Variants in SESN2 observed in about 807,000 individuals in gnomAD.
SESN2 encodes sestrin-2.
SESN2 carries 42 observed loss-of-function variants against 56.0 expected under a neutral mutation model. The ratio of observed to expected loss-of-function variants is 0.75; its 90% CI spans 0.59 to 0.97. SESN2 has a LOEUF of 0.97. Ranked by LOEUF, SESN2 falls within the 50% of genes least tolerant of loss-of-function variation. The pLI is 0.00. For missense variants in SESN2, 507 were observed against 649.4 expected (o/e 0.78, Z 2.38); for synonymous variants, 264 against 267.1 (o/e 0.99, Z 0.11).
chr1:28,264,096 G>C (rs1266089325), intron 1 of SESN2, among the ~76,000 whole-genome samples: 1 of 150,936 alleles, frequency 6.6e-6, no homozygotes, highest in Non-Finnish European at 1.5e-5. Context: ...AGGCACGGTG[G>C]CTCAAACGCC....
chr1:28,262,288 T>C (rs1374594233), intron 1 of SESN2, among the ~76,000 whole-genome samples: 1 of 152,098 alleles, frequency 6.6e-6, no homozygotes, highest in African/African-American at 2.4e-5. Flanking sequence ...TGCCTTCAGA[T>C]GTGTGTATCT....
intron 8 of SESN2, among the ~76,000 whole-genome samples, chr1:28,276,814 G>T (rs1448289682): frequency 1.3e-5 from 2 of 150,188 alleles, no homozygotes; most frequent in African/African-American, 2.4e-5. Flanking sequence ...TCTCACCTCA[G>T]GTGATCTGCC....
Position 28,269,180 on chromosome 1 carries a change from C to T in SESN2, c.91-3C>T. On this transcript the variant is annotated splice_region_variant and splice_polypyrimidine_tract_variant and intron_variant, in intron 1 of 9. Coordinates refer to ENST00000253063, the MANE Select transcript of SESN2 (RefSeq NM_031459.5). Reference sequence around the variant, plus strand: ...CGGACTAACCTCATATGTTTCCTCCCAGGAGCAGAGGGAGAGCCGGGCTCG... The same window carrying T: ...CGGACTAACCTCATATGTTTCCTCCTAGGAGCAGAGGGAGAGCCGGGCTCG... 1 of 1,611,064 alleles carries T rather than the reference C, an allele frequency of 6.2e-7. No homozygotes were observed. Among genetic ancestry groups the T allele is most frequent in the Non-Finnish European group, 8.5e-7 (1 of 1,178,024 alleles).
At position 28,271,523 on chromosome 1, in the gene SESN2, T is replaced by C. The variant is rs544896035; in HGVS notation, c.157-151T>C. 4.8e-6 allele frequency: 3 copies of C among 622,352 alleles called. No homozygotes were observed. The Admixed American group carries it at 8.6e-5, about 18-fold the overall frequency. The allele number at this position is 622,352 out of a possible 1,614,324, so 38.6% of individuals were successfully genotyped here. A position where few individuals can be genotyped will look rare whatever the true frequency, so the allele number is the denominator to read the frequency against. ...TAATAAGTATTTATTGAATCACTTA[T>C]TAAAATATGTGATCCTCCCCATTCT... is the stretch of plus-strand genomic sequence containing the variant. On this transcript the variant is annotated intron_variant, in intron 2 of 9. Transcript: ENST00000253063.
At chr1:28,265,946 C>T (rs1238875469) in intron 1 of SESN2, among the ~76,000 whole-genome samples, 2 of 152,204 alleles carry the variant, frequency 1.3e-5, no homozygotes, top group Non-Finnish European at 2.9e-5. Context: ...CCCTCCCCAT[C>T]ATACAGTTAC....
At chr1:28,272,201 A>G in intron 3 of SESN2, 83 bp from the exon 4 acceptor site, 1 of 1,426,480 alleles carries the variant, frequency 7.0e-7, no homozygotes, top group Admixed American at 1.8e-5. Context: ...TGAGCCCTAC[A>G]ACCTCTCCCC....
intron 9 of SESN2, 24 bp downstream of exon 9, chr1:28,279,265 G>C: frequency 6.2e-7 from 1 of 1,613,292 alleles, no homozygotes; most frequent in Non-Finnish European, 8.5e-7. Flanking sequence ...AGGCAGGGCA[G>C]GATGGAAGTA....
At position 28,260,537 on chromosome 1, in the gene SESN2, C is replaced by G. The variant is rs1012081909; in HGVS notation, c.90+600C>G. 2.0e-4 allele frequency among the ~76,000 whole-genome samples: 31 copies of G among 151,618 alleles called. 1 individual carries two copies. Among genetic ancestry groups the G allele is most frequent in the African/African-American group, 7.1e-4 (29 of 41,000 alleles). On this transcript the variant is annotated intron_variant, in intron 1 of 9. Transcript: ENST00000253063. Reference sequence around the variant, plus strand: ...GGCTCTGGGGGCTTGGCGGGCCGCCCGGTACGCGGCGGCGGCAGCCAAAGC... The same window carrying G: ...GGCTCTGGGGGCTTGGCGGGCCGCCGGGTACGCGGCGGCGGCAGCCAAAGC...
intron 1 of SESN2, among the ~76,000 whole-genome samples, chr1:28,262,090 G>C (rs960014177): frequency 3.3e-5 from 5 of 152,130 alleles, no homozygotes; most frequent in African/African-American, 4.8e-5. Context: ...CTATCTGGGA[G>C]ATTTCTGTGT....
intron 1 of SESN2, among the ~76,000 whole-genome samples, chr1:28,268,716 A>G (rs1647645035): frequency 6.6e-6 from 1 of 151,122 alleles, no homozygotes; most frequent in African/African-American, 2.4e-5. Flanking sequence ...AGGAAGGAAG[A>G]AGGAGGAGGA....
At chr1:28,277,265 T>A (rs1173088470) in intron 8 of SESN2, among the ~76,000 whole-genome samples, 1 of 149,070 alleles carries the variant, frequency 6.7e-6, no homozygotes, top group Non-Finnish European at 1.5e-5. Context: ...TAGAGTGGAG[T>A]GATCTCAGCT....
In SESN2 at chr1:28,261,943, G is replaced by C. The variant is rs543767671; in HGVS notation, c.90+2006G>C. On this transcript the variant is annotated intron_variant, in intron 1 of 9. Transcript: ENST00000253063. The stretch of plus-strand genomic sequence containing the variant: ...TTACAGGCACCCGCCACCATGCCCA[G>C]CTAATTTTTGTATTTTCAGTAGAAA... 1.4e-4 allele frequency among the ~76,000 whole-genome samples: 21 copies of C among 152,156 alleles called. No individual in the cohort carries two copies. The South Asian group carries it at 4.1e-3, about 30-fold the overall frequency.
intron 1 of SESN2, among the ~76,000 whole-genome samples, chr1:28,264,613 T>C (rs1299942418): frequency 6.6e-6 from 1 of 152,256 alleles, no homozygotes. Flanking sequence ...TCAGGTCTAC[T>C]GAACCTGTAC....
At chr1:28,279,373 C>A in intron 9 of SESN2, 132 bp downstream of exon 9, 1 of 849,594 alleles carries the variant, frequency 1.2e-6, no homozygotes, top group Non-Finnish European at 1.8e-6. Context: ...GCCTATTCCT[C>A]TGGATTGAAG....
rs1369561363 is a variant in SESN2, at chr1:28,274,116, C to T, written c.978C>T (p.Phe326=). 6.2e-7 allele frequency: 1 copy of T among 1,614,012 alleles called. No individual in the cohort carries two copies. The highest frequency in any genetic ancestry group is 2.2e-5 in the East Asian group (1 of 44,896). The change falls in exon 7 of 10, where the codon TTC becomes TTT. Residue 326 remains phenylalanine (F), a synonymous_variant. Transcript: ENST00000253063. ...ACCCTACTTTCGGATATGAGGACTT[C>T]ACTCGGAGAGGGGCTCAGGCACCCC... ...VEDPTFGYED[F]TRRGAQAPPT...
chr1:28,271,183 T>C (rs906592359), intron 2 of SESN2, among the ~76,000 whole-genome samples: 1 of 152,190 alleles, frequency 6.6e-6, no homozygotes, highest in Non-Finnish European at 1.5e-5. Flanking sequence ...GCTTATTGGC[T>C]AGATCCCATG....
intron 8 of SESN2, among the ~76,000 whole-genome samples, chr1:28,277,731 T>C (rs1262591704): frequency 1.3e-5 from 2 of 152,206 alleles, no homozygotes; most frequent in East Asian, 1.9e-4. Flanking sequence ...AAAAGGTACG[T>C]GCTCCTTGTA....
At chr1:28,265,274 A>G (rs1435609259) in intron 1 of SESN2, among the ~76,000 whole-genome samples, 1 of 152,210 alleles carries the variant, frequency 6.6e-6, no homozygotes, top group African/African-American at 2.4e-5. Context: ...TTCCTCTGTC[A>G]GGATCGGGGA....
In SESN2 at chr1:28,279,152, G is replaced by A; in HGVS notation, c.1267G>A (p.Val423Ile). The A allele has an allele frequency of 6.2e-7, 1 of 1,614,148 alleles. No individual in the cohort carries two copies. The highest frequency in any genetic ancestry group is 8.5e-7 in the Non-Finnish European group (1 of 1,180,006). ...CCAGCTCCTGGAGCGGAACCTCAAGGTCTATATCAAGACAGTGGCCTGCTA... is the reference window on the plus strand; with the variant it reads ...CCAGCTCCTGGAGCGGAACCTCAAGATCTATATCAAGACAGTGGCCTGCTA... ...VNQLLERNLK[V>I]YIKTVACYPE... Residue 423 changes from valine (V) to isoleucine (I), a missense_variant, in exon 9 of 10, where the codon GTC (valine) becomes ATC (isoleucine). Coordinates refer to ENST00000253063, the MANE Select transcript of SESN2 (RefSeq NM_031459.5).
Sources: allele counts gnomAD v4.1 joint callset (sites outside exome capture counted in the v4.1 genomes callset), GRCh38; gene constraint gnomAD v4.1.1; transcripts MANE v1.5; gene names NCBI Gene and HGNC (gene_info 2026-07-23, HGNC 2026-07-21).